Variants in TRPC5 observed in about 807,000 individuals in gnomAD.
TRPC5 encodes transient receptor potential cation channel subfamily C member 5.
TRPC5 carries 9 observed loss-of-function variants against 56.5 expected under a neutral mutation model. That is an observed-to-expected ratio of 0.16 (90% CI 0.10 to 0.28). The LOEUF (loss-of-function observed/expected upper bound fraction) is 0.28, where lower values mean the gene tolerates loss of function less well. TRPC5 is among the 10% of genes least tolerant of loss of function. The pLI, the probability that TRPC5 is intolerant of heterozygous loss-of-function variation, is 1.00. For synonymous variants in TRPC5, 282 were observed against 278.5 expected (o/e 1.01, Z -0.13); for missense variants, 469 against 748.9 (o/e 0.63, Z 4.36).
chrX:111,972,587 G>A (rs1403636034), intron 1 of TRPC5, among the ~76,000 whole-genome samples: 7 of 112,374 alleles, frequency 6.2e-5, no homozygotes, highest in Non-Finnish European at 1.9e-5. Context: ...CGTGCTTGGT[G>A]CGTGGGTCTA....
chrX:111,822,144 A>G (rs990336429), intron 7 of TRPC5, among the ~76,000 whole-genome samples: 1 of 111,812 alleles, frequency 8.9e-6, no homozygotes, highest in African/African-American at 3.3e-5. Flanking sequence ...AACTGTGATG[A>G]TGGTGACATT....
chrX:111,812,663 C>T (rs546351151), intron 7 of TRPC5, among the ~76,000 whole-genome samples: 2 of 111,382 alleles, frequency 1.8e-5, no homozygotes, highest in African/African-American at 6.5e-5. Flanking sequence ...TGGAGTACAG[C>T]GGTATTACCT....
intron 1 of TRPC5, among the ~76,000 whole-genome samples, chrX:111,976,618 A>G (rs749284999): frequency 9.9e-5 from 11 of 111,401 alleles, no homozygotes; most frequent in Admixed American, 9.5e-5. Flanking sequence ...TTAACGTAGT[A>G]CTGAAAGTTC....
intron 3 of TRPC5, among the ~76,000 whole-genome samples, chrX:111,873,027 A>G (rs1297216323): frequency 8.9e-6 from 1 of 112,446 alleles, no homozygotes; most frequent in African/African-American, 3.2e-5. Context: ...AAAGGAAAAT[A>G]ATTCATTCTA....
At chrX:111,903,848 A>G (rs915948622) in intron 3 of TRPC5, 4 of 112,381 alleles carry the variant, frequency 3.6e-5, no homozygotes, top group African/African-American at 1.3e-4. Flanking sequence ...AGTTGTGCCT[A>G]TATAAATTCT....
rs372558115 is a variant in TRPC5 at position 111,827,492 on chromosome X, C to G, written c.1896+7429G>C. Among the ~76,000 whole-genome samples, 58 of 111,362 alleles carry G rather than the reference C, an allele frequency of 5.2e-4. No homozygotes were observed. In the South Asian group the frequency reaches 0.022, roughly 42 times the overall value. ...CCTCCCTCCCCGACCAGGCCTGCTC[C>G]TTTCCTACTCTTCCCCATCTCAGTA... On this transcript the variant is annotated intron_variant, in intron 7 of 10. Coordinates refer to ENST00000262839, the MANE Select transcript of TRPC5 (RefSeq NM_012471.3).
intron 7 of TRPC5, among the ~76,000 whole-genome samples, chrX:111,824,670 C>T (rs760906539): frequency 9.0e-5 from 10 of 111,130 alleles, no homozygotes; most frequent in Non-Finnish European, 1.9e-4. Context: ...TGTGGGAATA[C>T]ACACAAACAC....
At chrX:111,840,338 C>T (rs1352503171) in intron 6 of TRPC5, among the ~76,000 whole-genome samples, 1 of 111,716 alleles carries the variant, frequency 9.0e-6, no homozygotes. Flanking sequence ...ATTCCATATA[C>T]TTTATATCAT....
chrX:111,967,630 G>C (rs940645509), intron 1 of TRPC5, among the ~76,000 whole-genome samples: 3 of 111,694 alleles, frequency 2.7e-5, no homozygotes, highest in African/African-American at 9.8e-5. Context: ...CAGAGATACA[G>C]ATCAATGGAA....
intron 1 of TRPC5, among the ~76,000 whole-genome samples, chrX:111,994,942 T>G (rs1928478822): frequency 8.9e-6 from 1 of 111,915 alleles, no homozygotes; most frequent in Non-Finnish European, 1.9e-5. Context: ...ATTTCCTAAT[T>G]GAATACCCTT....
chrX:112,037,476 G>T (rs960536419), intron 1 of TRPC5, among the ~76,000 whole-genome samples: 1 of 111,557 alleles, frequency 9.0e-6, no homozygotes, highest in Admixed American at 9.6e-5. Context: ...TATTTATTGG[G>T]ACATTCATAC....
intron 3 of TRPC5, among the ~76,000 whole-genome samples, chrX:111,868,392 G>A (rs1923611714): frequency 8.9e-6 from 1 of 112,422 alleles, no homozygotes. Flanking sequence ...AGCAAGAAAA[G>A]CATTAGGATA....
chrX:111,957,773 T>C, intron 1 of TRPC5, among the ~76,000 whole-genome samples: 1 of 112,252 alleles, frequency 8.9e-6, no homozygotes, highest in Non-Finnish European at 1.9e-5. Flanking sequence ...AACACAAATA[T>C]GCATATATAA....
intron 7 of TRPC5, among the ~76,000 whole-genome samples, chrX:111,832,781 T>C (rs1334142750): frequency 3.6e-5 from 4 of 111,376 alleles, no homozygotes; most frequent in Non-Finnish European, 5.6e-5. Flanking sequence ...GGTGCAGCAG[T>C]AGGTGGCATT....
At chrX:111,922,734 A>G (rs1220455333) in intron 2 of TRPC5, among the ~76,000 whole-genome samples, 1 of 112,154 alleles carries the variant, frequency 8.9e-6, no homozygotes, top group Non-Finnish European at 1.9e-5. Context: ...CAAGGTGTAT[A>G]TAATTTAGAT....
chrX:112,028,999 C>T (rs1222513563), intron 1 of TRPC5, among the ~76,000 whole-genome samples: 1 of 112,344 alleles, frequency 8.9e-6, no homozygotes, highest in Admixed American at 9.4e-5. Flanking sequence ...AAGCTTCTTG[C>T]CTTTCAACTT....
rs368588890 is a variant in TRPC5 at position 111,938,771 on chromosome X, G to A, written c.378+13272C>T. Among the ~76,000 whole-genome samples the A allele has an allele frequency of 2.7e-5, 3 of 111,947 alleles. No homozygotes were observed. In the East Asian group the frequency reaches 8.4e-4, roughly 31 times the overall value. ...TGTCAGTATTTTACTGAGGATTTTT[G>A]CATCAATGTTCATCAAGGATATTGG... On this transcript the variant is annotated intron_variant, in intron 2 of 10. Coordinates refer to ENST00000262839, the MANE Select transcript of TRPC5 (RefSeq NM_012471.3).
At chrX:111,816,797 T>G (rs1390171678) in intron 7 of TRPC5, among the ~76,000 whole-genome samples, 1 of 111,393 alleles carries the variant, frequency 9.0e-6, no homozygotes, top group East Asian at 2.8e-4. Context: ...CTCTCCATTG[T>G]TATGGAAGGA....
At chrX:111,807,720 T>C (rs1056879301) in intron 7 of TRPC5, among the ~76,000 whole-genome samples, 4 of 112,299 alleles carry the variant, frequency 3.6e-5, no homozygotes, top group Non-Finnish European at 7.5e-5. Flanking sequence ...TTGGGAAGGC[T>C]TTCCAGATAT....
Sources: allele counts gnomAD v4.1 joint callset (sites outside exome capture counted in the v4.1 genomes callset), GRCh38; gene constraint gnomAD v4.1.1; transcripts MANE v1.5; gene names NCBI Gene and HGNC (gene_info 2026-07-23, HGNC 2026-07-21).